AOX1: variants seen among roughly 807,000 people sequenced by gnomAD.
AOX1 encodes the protein aldehyde oxidase.
In AOX1, 153 loss-of-function variants were observed where a neutral mutation model predicts 169.5. The observed-to-expected ratio is 0.90, with a 90% CI of 0.79 to 1.03. The LOEUF (loss-of-function observed/expected upper bound fraction) is 1.03. Among genes scored for constraint, AOX1 ranks in the 50% least tolerant of loss-of-function variants. The pLI is 0.00. For synonymous variants in AOX1, 562 were observed against 581.9 expected (o/e 0.97, Z 0.49); for missense variants, 1,656 against 1,663.9 (o/e 1.00, Z 0.08).
rs1167957682 is a variant in AOX1 at position 200,611,384 on chromosome 2, A to G, written c.1154A>G (p.Glu385Gly). The change falls in exon 13 of 35, where the codon GAA becomes GGA. Residue 385 changes from glutamate (E) to glycine (G), a missense_variant and splice_region_variant. Coordinates refer to ENST00000374700, the MANE Select transcript of AOX1 (RefSeq NM_001159.4). ...GNCTLNLLSK[E>G]GKRQIPLNEQ... ...GGGAAAGTGTCATTTCTTTCCACAG[A>G]AGGAAAACGACAGATTCCTTTAAAT... 6.2e-7 allele frequency: 1 copy of G among 1,606,286 alleles called. No individual in the cohort carries two copies. The highest frequency in any genetic ancestry group is 1.3e-5 in the African/African-American group (1 of 74,906).
intron 1 of AOX1, among the ~76,000 whole-genome samples, chr2:200,590,841 T>C (rs1010721849): frequency 3.3e-5 from 5 of 152,186 alleles, no homozygotes; most frequent in Non-Finnish European, 7.4e-5. Flanking sequence ...GCAGAAGCTT[T>C]ATGGTGTTAT....
At chr2:200,609,854 T>C (rs2034598643) in intron 12 of AOX1, among the ~76,000 whole-genome samples, 1 of 152,210 alleles carries the variant, frequency 6.6e-6, no homozygotes, top group African/African-American at 2.4e-5. Flanking sequence ...TGAAAAATGA[T>C]TGGGCCTCAT....
At chr2:200,620,448 A>G (rs768918768) in intron 16 of AOX1, among the ~76,000 whole-genome samples, 51 of 151,972 alleles carry the variant, frequency 3.4e-4, no homozygotes, top group Non-Finnish European at 2.5e-4. Flanking sequence ...ACCTCAAGTG[A>G]TCTGCCCACC....
chr2:200,595,941 A>G (rs2034275412), intron 3 of AOX1, among the ~76,000 whole-genome samples: 1 of 152,084 alleles, frequency 6.6e-6, no homozygotes, highest in Non-Finnish European at 1.5e-5. Context: ...GCTTCCCATT[A>G]TGTTTAACAT....
At chr2:200,664,315 G>T (rs920586457) in intron 31 of AOX1, among the ~76,000 whole-genome samples, 4 of 152,164 alleles carry the variant, frequency 2.6e-5, no homozygotes, top group Non-Finnish European at 4.4e-5. Flanking sequence ...GTACAGACAT[G>T]GCTTCACCAT....
At chr2:200,608,910 G>T in intron 10 of AOX1, 74 bp from the exon 11 acceptor site, 1 of 1,363,502 alleles carries the variant, frequency 7.3e-7, no homozygotes, top group South Asian at 1.3e-5. Flanking sequence ...TTCTATGTCT[G>T]TAGCTTTGGT....
intron 4 of AOX1, among the ~76,000 whole-genome samples, chr2:200,599,214 TTC>T (rs1157318722): frequency 6.6e-6 from 1 of 152,248 alleles, no homozygotes; most frequent in Admixed American, 6.5e-5. Context: ...TTTGGTTTAT[TTC>T]TCTGAAGGAT....
At chr2:200,601,627 CT>C (rs199917412) in intron 5 of AOX1, among the ~76,000 whole-genome samples, 2 of 133,392 alleles carry the variant, frequency 1.5e-5, no homozygotes, top group African/African-American at 5.7e-5. Context: ...ATGGATTTTA[CT>C]TTTTAAAAAA....
intron 16 of AOX1, among the ~76,000 whole-genome samples, chr2:200,617,544 T>G (rs2034789139): frequency 6.6e-6 from 1 of 151,934 alleles, no homozygotes; most frequent in Admixed American, 6.6e-5. Context: ...AGACATTTTT[T>G]GGAATTTTTC....
At chr2:200,649,933 T>C (rs1361116344) in intron 25 of AOX1, among the ~76,000 whole-genome samples, 1 of 152,244 alleles carries the variant, frequency 6.6e-6, no homozygotes, top group Non-Finnish European at 1.5e-5. Flanking sequence ...CTGCCAGCTC[T>C]TCCAGAAATT....
chr2:200,610,692 T>C (rs1286084598), intron 12 of AOX1, among the ~76,000 whole-genome samples: 1 of 152,184 alleles, frequency 6.6e-6, no homozygotes, highest in African/African-American at 2.4e-5. Context: ...ATTTGTTGGC[T>C]GACTTGATCA....
chr2:200,664,502 T>G (rs1399985026), intron 31 of AOX1, among the ~76,000 whole-genome samples: 3 of 152,238 alleles, frequency 2.0e-5, no homozygotes, highest in Non-Finnish European at 4.4e-5. Flanking sequence ...TTTCTTATAT[T>G]CCTATATATG....
downstream of AOX1, among the ~76,000 whole-genome samples, chr2:200,671,947 CAA>C (rs1443989608): frequency 6.6e-6 from 1 of 152,042 alleles, no homozygotes; most frequent in Non-Finnish European, 1.5e-5. Flanking sequence ...TATATCCACA[CAA>C]GAGAGTTTTA....
intron 1 of AOX1, among the ~76,000 whole-genome samples, chr2:200,589,356 C>G (rs1237698338): frequency 6.6e-6 from 1 of 152,094 alleles, no homozygotes; most frequent in East Asian, 1.9e-4. Flanking sequence ...ATAGATGCCA[C>G]ATAACAACCT....
intron 28 of AOX1, 63 bp downstream of exon 28, chr2:200,659,356 T>G: frequency 1.3e-6 from 2 of 1,553,772 alleles, no homozygotes; most frequent in Non-Finnish European, 1.7e-6. Flanking sequence ...CGTGGGTGGG[T>G]GGAGCTCCAA....
intron 20 of AOX1, among the ~76,000 whole-genome samples, chr2:200,634,247 T>G (rs1254961220): frequency 6.8e-6 from 1 of 146,940 alleles, no homozygotes; most frequent in Admixed American, 7.0e-5. Context: ...GTCTGGGATA[T>G]CTGAGGCAAA....
chr2:200,659,787 C>CA (rs2035781743), intron 28 of AOX1, among the ~76,000 whole-genome samples: 1 of 42,616 alleles, frequency 2.3e-5, no homozygotes, highest in African/African-American at 7.5e-5. Context: ...TTCTCTCTCT[C>CA]ACACACACAC....
chr2:200,623,876 C>T lies in AOX1; in HGVS notation c.2017C>T (p.Gln673Ter). 6.2e-7 allele frequency: 1 copy of T among 1,613,958 alleles called. No homozygotes were observed. The highest frequency in any genetic ancestry group is 1.1e-5 in the South Asian group (1 of 91,066). ...LATDKVFCVG[Q>*]LVCAVLADSE... ...TGTGTCGTAGGTGTTCTGTGTGGGTCAGCTTGTCTGTGCTGTGCTTGCCGA... is the reference window on the plus strand; with the variant it reads ...TGTGTCGTAGGTGTTCTGTGTGGGTTAGCTTGTCTGTGCTGTGCTTGCCGA... Residue 673 changes from glutamine (Q) to a stop codon, truncating the protein, a stop_gained, in exon 19 of 35, where the codon CAG becomes TAG. Coordinates refer to ENST00000374700, the MANE Select transcript of AOX1 (RefSeq NM_001159.4). LOFTEE classifies it high-confidence loss of function.
Position 200,637,017 on chromosome 2 carries a change from C to T in AOX1, c.2453C>T (p.Ala818Val). The T allele has an allele frequency of 6.2e-7, 1 of 1,614,118 alleles. No individual in the cohort carries two copies. The highest frequency in any genetic ancestry group is 1.3e-5 in the African/African-American group (1 of 75,054). ...GGKVLKTGII[A>V]AVTAFAANKH... ...AAGGTGTTAAAAACCGGAATCATTG[C>T]AGCCGTCACTGCATTTGCCGCAAAC... Residue 818 changes from alanine (A) to valine (V), a missense_variant, in exon 22 of 35, where the codon GCA (alanine) becomes GTA (valine). Transcript: ENST00000374700.
Sources: gnomAD v4.1 joint callset for allele counts (sites outside exome capture counted in the v4.1 genomes callset) on GRCh38, gnomAD v4.1.1 for gene constraint, MANE v1.5 for transcripts, NCBI Gene and HGNC (gene_info 2026-07-23, HGNC 2026-07-21) for gene names.